FBXO36: variants seen among roughly 807,000 people sequenced by gnomAD.
The protein encoded by FBXO36 is F-box only protein 36.
A neutral mutation model predicts 17.0 loss-of-function variants in FBXO36; 18 were observed. The observed-to-expected ratio is 1.06, with a 90% CI of 0.73 to 1.57. The LOEUF (loss-of-function observed/expected upper bound fraction) is 1.57, where lower values mean the gene tolerates loss of function less well. Among genes scored for constraint, FBXO36 ranks in the 40% most tolerant of loss-of-function variants. The pLI is 0.00. For missense variants in FBXO36, 229 were observed against 221.9 expected (o/e 1.03, Z -0.20); for synonymous variants, 83 against 85.3 (o/e 0.97, Z 0.15).
At chr2:229,945,272 C>T (rs1205538757) in intron 1 of FBXO36, 2 of 152,010 alleles carry the variant, frequency 1.3e-5, no homozygotes, top group African/African-American at 4.8e-5. Flanking sequence ...CATTGACCCT[C>T]TCTTTTAAAT....
At chr2:230,000,105 C>T (rs573222182) in intron 3 of FBXO36, among the ~76,000 whole-genome samples, 1 of 152,144 alleles carries the variant, frequency 6.6e-6, no homozygotes, top group African/African-American at 2.4e-5. Flanking sequence ...CACCTGTAAT[C>T]CCAGCACTTT....
chr2:230,003,884 T>A (rs2077372949), intron 3 of FBXO36, among the ~76,000 whole-genome samples: 1 of 152,208 alleles, frequency 6.6e-6, no homozygotes, highest in African/African-American at 2.4e-5. Flanking sequence ...TGGTGGGTTT[T>A]CTCCTGGGAA....
chr2:229,924,908 A>G (rs1354183530), intron 1 of FBXO36, among the ~76,000 whole-genome samples: 1 of 151,972 alleles, frequency 6.6e-6, no homozygotes, highest in Non-Finnish European at 1.5e-5. Context: ...AGCTGGGATT[A>G]CAGGCGCCCG....
chr2:230,005,969 A>G (rs1042698869), intron 3 of FBXO36, among the ~76,000 whole-genome samples: 1 of 152,022 alleles, frequency 6.6e-6, no homozygotes, highest in Non-Finnish European at 1.5e-5. Flanking sequence ...CGCCCAGCCC[A>G]TAAGAACATT....
intron 1 of FBXO36, among the ~76,000 whole-genome samples, chr2:229,926,737 C>CA (rs371247039): frequency 1.2e-3 from 168 of 138,940 alleles, no homozygotes; most frequent in South Asian, 3.5e-3. Context: ...ATCTCAAAAA[C>CA]AAAAAAAAAA....
chr2:229,997,785 A>T (rs2077335301), intron 3 of FBXO36, among the ~76,000 whole-genome samples: 1 of 152,024 alleles, frequency 6.6e-6, no homozygotes, highest in African/African-American at 2.4e-5. Context: ...CAGCAGAATG[A>T]CCCAAGAGCA....
chr2:229,965,131 C>G (rs888512987), intron 1 of FBXO36, among the ~76,000 whole-genome samples: 1 of 143,810 alleles, frequency 7.0e-6, no homozygotes, highest in Non-Finnish European at 1.5e-5. Flanking sequence ...TACGCAGACC[C>G]TTTCTTTCTT....
chr2:230,004,550 G>T (rs959179603), intron 3 of FBXO36, among the ~76,000 whole-genome samples: 1 of 152,114 alleles, frequency 6.6e-6, no homozygotes, highest in Admixed American at 6.6e-5. Flanking sequence ...TGTTTTGCAT[G>T]TCCTTCCGGA....
At chr2:229,924,630 CT>C (rs2076895947) in intron 1 of FBXO36, among the ~76,000 whole-genome samples, 1 of 152,116 alleles carries the variant, frequency 6.6e-6, no homozygotes, top group Non-Finnish European at 1.5e-5. Flanking sequence ...GGCTGAGTAT[CT>C]TGTTACCTTT....
chr2:229,939,203 G>C, intron 1 of FBXO36: 1 of 984,210 alleles, frequency 1.0e-6, no homozygotes, highest in East Asian at 1.1e-4. Flanking sequence ...ACAGGCATGA[G>C]CCACCGCGCC....
At chr2:229,946,464 G>A (rs1009402954) in intron 1 of FBXO36, among the ~76,000 whole-genome samples, 1 of 152,164 alleles carries the variant, frequency 6.6e-6, no homozygotes, top group Non-Finnish European at 1.5e-5. Flanking sequence ...TGAGTTTGAG[G>A]AGAAAGCTTA....
intron 3 of FBXO36, among the ~76,000 whole-genome samples, chr2:229,998,124 A>G (rs927902303): frequency 5.9e-5 from 9 of 152,240 alleles, no homozygotes; most frequent in African/African-American, 1.9e-4. Context: ...TAATCTTATT[A>G]TCTAAAAAGC....
chr2:229,962,002 G>A (rs1223039602), intron 1 of FBXO36, among the ~76,000 whole-genome samples: 1 of 151,886 alleles, frequency 6.6e-6, no homozygotes, highest in Non-Finnish European at 1.5e-5. Context: ...CCAACATGGC[G>A]AAACCTCATC....
intron 3 of FBXO36, among the ~76,000 whole-genome samples, chr2:229,999,215 C>A (rs1444673794): frequency 1.3e-5 from 2 of 150,934 alleles, no homozygotes; most frequent in African/African-American, 4.9e-5. Context: ...CAACCTCCGC[C>A]TATTGGGTTC....
intron 2 of FBXO36, among the ~76,000 whole-genome samples, chr2:229,987,614 A>C (rs2077275776): frequency 6.6e-6 from 1 of 151,860 alleles, no homozygotes; most frequent in Non-Finnish European, 1.5e-5. Flanking sequence ...ATAAATCATT[A>C]TTTATTTATT....
intron 1 of FBXO36, 69 bp from the exon 2 acceptor site, chr2:229,976,171 AC>A (rs1470870632): frequency 4.0e-6 from 5 of 1,248,544 alleles, no homozygotes; most frequent in Non-Finnish European, 5.6e-6. Flanking sequence ...AATTTTCAAA[AC>A]CCCAAACTTA....
In FBXO36 at chr2:229,922,613, A is replaced by C; in HGVS notation, c.96+4A>C. On this transcript the variant is annotated splice_donor_region_variant and intron_variant, in intron 1 of 3. Transcript: ENST00000283946. Reference sequence around the variant, plus strand: ...GTTACTGGTCACCCGGTCTCAGGCAAGTGCGAGCCGCGGTTTACCCTCTCT... The same window carrying C: ...GTTACTGGTCACCCGGTCTCAGGCACGTGCGAGCCGCGGTTTACCCTCTCT... 2 of 1,613,890 alleles carry C rather than the reference A, an allele frequency of 1.2e-6. No individual in the cohort carries two copies. The highest frequency in any genetic ancestry group is 1.7e-6 in the Non-Finnish European group (2 of 1,179,898).
intron 1 of FBXO36, among the ~76,000 whole-genome samples, chr2:229,965,342 T>C (rs2077146335): frequency 6.6e-6 from 1 of 150,904 alleles, no homozygotes; most frequent in Non-Finnish European, 1.5e-5. Context: ...AATTTTCTTT[T>C]TTTTTCTTTT....
chr2:229,944,812 C>T (rs2077018593), intron 1 of FBXO36, among the ~76,000 whole-genome samples: 1 of 152,002 alleles, frequency 6.6e-6, no homozygotes, highest in Non-Finnish European at 1.5e-5. Context: ...CCAGGATGGT[C>T]TCAATCTCCT....
Sources: gnomAD v4.1 joint callset for allele counts (sites outside exome capture counted in the v4.1 genomes callset) on GRCh38, gnomAD v4.1.1 for gene constraint, MANE v1.5 for transcripts, NCBI Gene and HGNC (gene_info 2026-07-23, HGNC 2026-07-21) for gene names.